PLCE1: variants seen among roughly 807,000 people sequenced by gnomAD.
The protein encoded by PLCE1 is 1-phosphatidylinositol 4,5-bisphosphate phosphodiesterase epsilon-1.
PLCE1 carries 119 observed loss-of-function variants against 242.8 expected under a neutral mutation model. The observed-to-expected ratio is 0.49, with a 90% confidence interval of 0.42 to 0.57. The LOEUF is 0.57. Among genes scored for constraint, PLCE1 ranks in the 20% least tolerant of loss-of-function variants. PLCE1 has a pLI of 0.00. For synonymous variants in PLCE1, 945 were observed against 1,017.4 expected, an observed-to-expected ratio of 0.93 and a Z score of 1.35; for missense variants, 2,441 against 2,788.8, an observed-to-expected ratio of 0.88 and a Z score of 2.81.
chr10:94,032,840 G>A (rs1164190767), intron 2 of PLCE1, among the ~76,000 whole-genome samples: 1 of 151,884 alleles, frequency 6.6e-6, no homozygotes, highest in East Asian at 1.9e-4. Flanking sequence ...CAATTTAGGT[G>A]CTTCTTTATT....
intron 4 of PLCE1, among the ~76,000 whole-genome samples, chr10:94,219,320 G>A (rs375772589): frequency 6.6e-6 from 1 of 152,184 alleles, no homozygotes; most frequent in Non-Finnish European, 1.5e-5. Flanking sequence ...TGTATATGGA[G>A]TCATCAGAGG....
At chr10:94,099,213 A>G (rs1253412523) in intron 2 of PLCE1, among the ~76,000 whole-genome samples, 3 of 152,178 alleles carry the variant, frequency 2.0e-5, no homozygotes, top group Non-Finnish European at 4.4e-5. Context: ...TAAAATAGCG[A>G]GGAAAAACTC....
chr10:94,112,726 G>T lies in PLCE1; in HGVS notation c.1207-19448G>T, dbSNP rs146666440. On this transcript the variant is annotated intron_variant, in intron 2 of 32. Transcript: ENST00000371380. ...GTTCCCCACGTGACTCTAAGGTGCA[G>T]CCAGTTTGAGAACCACTGCACTAGA... 7.4e-3 allele frequency among the ~76,000 whole-genome samples: 1,133 copies of T among 152,262 alleles called. 11 individuals are homozygous for T. Among genetic ancestry groups the T allele is most frequent in the African/African-American group, 0.026 (1,065 of 41,538 alleles).
chr10:94,148,727 A>G (rs2047188889), intron 3 of PLCE1, among the ~76,000 whole-genome samples: 1 of 152,222 alleles, frequency 6.6e-6, no homozygotes, highest in Non-Finnish European at 1.5e-5. Flanking sequence ...AGGAAAGGGA[A>G]AAGGAAGGAA....
At chr10:94,097,806 C>T (rs2045370104) in intron 2 of PLCE1, among the ~76,000 whole-genome samples, 1 of 152,256 alleles carries the variant, frequency 6.6e-6, no homozygotes, top group African/African-American at 2.4e-5. Flanking sequence ...GGTGCTGAGC[C>T]TTTAGCCAGA....
chr10:94,315,257 A>C, intron 28 of PLCE1: 1 of 369,758 alleles, frequency 2.7e-6, no homozygotes. Flanking sequence ...TCAGTCCATC[A>C]CATTCTGCTT....
chr10:94,089,404 C>T (rs1274763507), intron 2 of PLCE1: 1 of 1,533,866 alleles, frequency 6.5e-7, no homozygotes, highest in Non-Finnish European at 8.8e-7. Flanking sequence ...CTAAGAAATC[C>T]CCCAGTGTTC....
intron 1 of PLCE1, among the ~76,000 whole-genome samples, chr10:93,997,632 C>CAT (rs2060851513): frequency 1.3e-5 from 1 of 79,872 alleles, no homozygotes; most frequent in African/African-American, 5.6e-5. Context: ...AATAACCATC[C>CAT]TTTTTTTTTT....
At position 94,298,678 on chromosome 10, in the gene PLCE1, C is replaced by A; in HGVS notation, c.5458+9C>A. 1.9e-6 allele frequency: 3 copies of A among 1,613,666 alleles called. No homozygotes were observed. In the South Asian group the frequency reaches 3.3e-5, roughly 18 times the overall value. On this transcript the variant is annotated intron_variant, in intron 24 of 32. Transcript: ENST00000371380. This position sits in a 1 kb window ranked among gnomAD's most constrained non-coding sequence, Gnocchi z 5.2. ...CAACTACCAGACTGATGGTAAGGGG[C>A]CTGCATGCTCACCTCGCTCCTTTGC...
chr10:94,072,899 TC>T (rs2044400558), intron 2 of PLCE1, among the ~76,000 whole-genome samples: 1 of 152,166 alleles, frequency 6.6e-6, no homozygotes, highest in African/African-American at 2.4e-5. Context: ...AATGTGGAGA[TC>T]GCTGAAGAGC....
intron 1 of PLCE1, among the ~76,000 whole-genome samples, chr10:94,005,713 G>A (rs1360014951): frequency 6.6e-6 from 1 of 152,156 alleles, no homozygotes; most frequent in African/African-American, 2.4e-5. Flanking sequence ...TTTCTCCTGA[G>A]TTCTCCATCG....
At chr10:94,153,398 A>G (rs1157388356) in intron 3 of PLCE1, among the ~76,000 whole-genome samples, 4 of 152,162 alleles carry the variant, frequency 2.6e-5, no homozygotes, top group Admixed American at 2.6e-4. Flanking sequence ...ACTCAACAAA[A>G]TAGGAATAGA....
Position 94,270,520 on chromosome 10 carries a change from T to C in PLCE1, c.4424T>C (p.Ile1475Thr). 2 of 1,613,882 alleles carry C rather than the reference T, an allele frequency of 1.2e-6. No individual in the cohort carries two copies. Among genetic ancestry groups the C allele is most frequent in the Non-Finnish European group, 8.5e-7 (1 of 1,179,786 alleles). ...VVEAIDRSAFINSDLPIIISI... is the reference protein window; with the variant it reads ...VVEAIDRSAFTNSDLPIIISI... ...GAAGCCATTGATCGCAGTGCCTTCA[T>C]CAACTCTGACCTGCCAATCATCATA... is the stretch of plus-strand genomic sequence containing the variant. Residue 1475 changes from isoleucine to threonine, a missense_variant, in exon 18 of 33, where the codon ATC becomes ACC. By Grantham distance (89) the Ile-to-Thr change is moderately conservative. This residue lies in a region of PLCE1 where 1,004 missense variants were observed against 1,322.7 expected (regional missense o/e 0.76). Transcript: ENST00000371380.
At chr10:94,253,161 A>G (rs1437467059) in intron 9 of PLCE1, among the ~76,000 whole-genome samples, 1 of 152,190 alleles carries the variant, frequency 6.6e-6, no homozygotes, top group Non-Finnish European at 1.5e-5. Context: ...ATAAAGAAAT[A>G]CTTGAGGCTG....
chr10:94,283,629 C>A, intron 20 of PLCE1, 161 bp from the exon 21 acceptor site: 1 of 704,698 alleles, frequency 1.4e-6, no homozygotes, highest in Non-Finnish European at 2.4e-6. Context: ...CCAATTTTTA[C>A]AGTTATGCTT....
At chr10:94,215,081 T>C (rs1427075609) in intron 4 of PLCE1, among the ~76,000 whole-genome samples, 3 of 152,068 alleles carry the variant, frequency 2.0e-5, no homozygotes, top group Admixed American at 2.0e-4. Context: ...AAACTGCCCA[T>C]AGGTCTTCTA....
At position 94,023,466 on chromosome 10, in the gene PLCE1, A is replaced by G. The variant is rs111854511; in HGVS notation, c.-364-7217A>G. Among the ~76,000 whole-genome samples, 778 of 152,256 alleles carry G rather than the reference A, an allele frequency of 5.1e-3. 3 individuals are homozygous for G. Among genetic ancestry groups the G allele is most frequent in the African/African-American group, 0.018 (747 of 41,564 alleles). On this transcript the variant is annotated intron_variant, in intron 1 of 32. Coordinates refer to ENST00000371380, the MANE Select transcript of PLCE1 (RefSeq NM_016341.4). ...TCCAGAATCTTGACATTATTATACA[A>G]TGAAGGAGAGGGAGTCCTGTGAGCA...
At chr10:94,156,595 C>G (rs1398334092) in intron 3 of PLCE1, among the ~76,000 whole-genome samples, 6 of 152,178 alleles carry the variant, frequency 3.9e-5, no homozygotes, top group Non-Finnish European at 5.9e-5. Context: ...TTCATTCACC[C>G]AGAAGCTCTG....
chr10:94,063,359 A>T (rs2044113403), intron 2 of PLCE1, among the ~76,000 whole-genome samples: 1 of 152,086 alleles, frequency 6.6e-6, no homozygotes. Context: ...CTCTCATGGG[A>T]TGTTCATGTC....
Sources: gnomAD v4.1 joint callset for allele counts (sites outside exome capture counted in the v4.1 genomes callset) on GRCh38, gnomAD v4.1.1 for gene constraint, gnomAD v4.1.1 regional missense constraint, Gnocchi (gnomAD v3.1) non-coding constraint, MANE v1.5 for transcripts, NCBI Gene and HGNC (gene_info 2026-07-23, HGNC 2026-07-21) for gene names.